The following PTPRM variants were observed in gnomAD, a reference collection of about 807,000 sequenced individuals.
The protein encoded by PTPRM is protein tyrosine phosphatase receptor type M, also known as receptor-type tyrosine-protein phosphatase mu.
In PTPRM, 47 loss-of-function variants were observed where a neutral mutation model predicts 186.7. The observed-to-expected ratio is 0.25, with a 90% CI of 0.20 to 0.32. The LOEUF is 0.32. PTPRM is among the 10% of genes least tolerant of loss of function. The probability of loss-of-function intolerance (pLI) is 1.00; values close to 1 mark genes in which losing one functional copy is unlikely to be tolerated. For missense variants in PTPRM, 1,494 were observed against 1,865.0 expected (o/e 0.80, Z 3.66); for synonymous variants, 668 against 674.9 (o/e 0.99, Z 0.16).
chr18:7,683,883 T>C (rs2039535791), intron 1 of PTPRM, among the ~76,000 whole-genome samples: 1 of 152,122 alleles, frequency 6.6e-6, no homozygotes, highest in African/African-American at 2.4e-5. Flanking sequence ...ATTCAGGTTG[T>C]TGGGGGAATC....
intron 7 of PTPRM, among the ~76,000 whole-genome samples, chr18:8,068,326 T>TG (rs1461801929): frequency 6.6e-6 from 1 of 152,194 alleles, no homozygotes; most frequent in East Asian, 1.9e-4. Context: ...AAATGACCTA[T>TG]GGGTGTATAA....
intron 1 of PTPRM, among the ~76,000 whole-genome samples, chr18:7,742,156 A>G (rs1449448508): frequency 3.3e-5 from 5 of 152,248 alleles, no homozygotes; most frequent in South Asian, 2.1e-4. Flanking sequence ...AGCACAGTGT[A>G]AGAAATTCTA....
At chr18:7,879,199 G>A (rs2048379486) in intron 2 of PTPRM, among the ~76,000 whole-genome samples, 1 of 152,112 alleles carries the variant, frequency 6.6e-6, no homozygotes, top group South Asian at 2.1e-4. Context: ...AACCCACCGG[G>A]TTTCCTCTCT....
intron 6 of PTPRM, among the ~76,000 whole-genome samples, chr18:7,950,798 A>C (rs1009861159): frequency 3.9e-5 from 6 of 152,100 alleles, no homozygotes; most frequent in Non-Finnish European, 8.8e-5. Context: ...TGACTTTTTA[A>C]AAATGTAAAT....
chr18:7,792,420 T>C (rs1598736813), intron 2 of PTPRM, among the ~76,000 whole-genome samples: 2 of 152,164 alleles, frequency 1.3e-5, no homozygotes, highest in Non-Finnish European at 1.5e-5. Flanking sequence ...TCTTCCCTTA[T>C]GTTTTGCTCT....
chr18:7,885,762 T>G (rs1174596787), intron 2 of PTPRM, among the ~76,000 whole-genome samples: 1 of 152,150 alleles, frequency 6.6e-6, no homozygotes, highest in Non-Finnish European at 1.5e-5. Context: ...CTTGTGTACT[T>G]TAGACACAAG....
intron 23 of PTPRM, among the ~76,000 whole-genome samples, chr18:8,347,676 A>C (rs1032445379): frequency 6.6e-6 from 1 of 152,190 alleles, no homozygotes; most frequent in Non-Finnish European, 1.5e-5. Context: ...CTGACAAATA[A>C]CCATGGAAAT....
chr18:7,657,268 C>T (rs1286484637), intron 1 of PTPRM, among the ~76,000 whole-genome samples: 1 of 152,094 alleles, frequency 6.6e-6, no homozygotes, highest in Non-Finnish European at 1.5e-5. Flanking sequence ...ACAGTGAAGC[C>T]CGTGAACTGA....
chr18:8,073,778 T>A (rs1274263864), intron 8 of PTPRM, among the ~76,000 whole-genome samples: 1 of 152,042 alleles, frequency 6.6e-6, no homozygotes, highest in African/African-American at 2.4e-5. Context: ...TGCTGGTGCA[T>A]ACCTATGGTC....
rs143983026 is a variant in PTPRM, at chr18:8,381,168, G to A, written c.3918+741G>A. Among the ~76,000 whole-genome samples, 3 of 152,202 alleles carry A rather than the reference G, an allele frequency of 2.0e-5. No homozygotes were observed. The East Asian group carries it at 5.8e-4, about 29-fold the overall frequency. On this transcript the variant is annotated intron_variant, in intron 29 of 32. Transcript: ENST00000580170. ...GAGTTAGACACATTTTCTTGAAGCA[G>A]GTTGTCAGGCAAGCATTAGCACAGT... is the stretch of plus-strand genomic sequence containing the variant.
chr18:8,047,950 T>C (rs946180549), intron 7 of PTPRM, among the ~76,000 whole-genome samples: 2 of 152,168 alleles, frequency 1.3e-5, no homozygotes, highest in Non-Finnish European at 2.9e-5. Context: ...GAACAGATGA[T>C]AGGCCTCCAA....
chr18:7,660,271 G>A (rs2144373393), intron 1 of PTPRM, among the ~76,000 whole-genome samples: 1 of 152,192 alleles, frequency 6.6e-6, no homozygotes, highest in East Asian at 1.9e-4. Flanking sequence ...TGGAGGCTGA[G>A]GTTACAGTGA....
intron 14 of PTPRM, among the ~76,000 whole-genome samples, chr18:8,156,716 A>G (rs1435176719): frequency 6.6e-6 from 1 of 152,166 alleles, no homozygotes; most frequent in Non-Finnish European, 1.5e-5. Context: ...TTAGCTGACA[A>G]CACCGTGCAG....
At chr18:7,866,581 T>C (rs1391025415) in intron 2 of PTPRM, among the ~76,000 whole-genome samples, 1 of 152,226 alleles carries the variant, frequency 6.6e-6, no homozygotes, top group Non-Finnish European at 1.5e-5. Flanking sequence ...TTCTTTTGCA[T>C]ATGCTGAGGA....
chr18:7,807,620 T>TTTG (rs914685000), intron 2 of PTPRM, among the ~76,000 whole-genome samples: 1 of 152,192 alleles, frequency 6.6e-6, no homozygotes. Flanking sequence ...TGCATTTCTT[T>TTTG]TTGTTGTTGT....
intron 14 of PTPRM, among the ~76,000 whole-genome samples, chr18:8,150,442 A>G (rs1244204781): frequency 2.0e-5 from 3 of 151,936 alleles, no homozygotes; most frequent in Admixed American, 6.6e-5. Flanking sequence ...TGATTCGGCT[A>G]TTGATACTTG....
intron 2 of PTPRM, among the ~76,000 whole-genome samples, chr18:7,847,721 C>T (rs543874345): frequency 6.6e-6 from 1 of 152,300 alleles, no homozygotes; most frequent in East Asian, 1.9e-4. Context: ...GACCTTCCCA[C>T]TCTCTCTCAG....
chr18:7,701,223 G>A (rs1255019067), intron 1 of PTPRM, among the ~76,000 whole-genome samples: 5 of 149,810 alleles, frequency 3.3e-5, no homozygotes, highest in African/African-American at 7.4e-5. Flanking sequence ...AGAATTGCTT[G>A]AATTCAGAAG....
chr18:8,243,386 A>G lies in PTPRM; in HGVS notation c.2301-672A>G, dbSNP rs933057899. Among the ~76,000 whole-genome samples, 4 of 152,270 alleles carry G rather than the reference A, an allele frequency of 2.6e-5. No individual in the cohort carries two copies. The South Asian group carries it at 6.2e-4, about 24-fold the overall frequency. On this transcript the variant is annotated intron_variant, in intron 14 of 32. Coordinates refer to ENST00000580170, the MANE Select transcript of PTPRM (RefSeq NM_001105244.2). The stretch of plus-strand genomic sequence containing the variant: ...ACCTTCTGCTCTGTAGGGGTTGACA[A>G]AACTTGATGGGAACTAATCTGGGTT...
Sources: allele counts gnomAD v4.1 joint callset (sites outside exome capture counted in the v4.1 genomes callset), GRCh38; gene constraint gnomAD v4.1.1; transcripts MANE v1.5; gene names NCBI Gene and HGNC (gene_info 2026-07-23, HGNC 2026-07-21).